Variants in NEO1 observed in about 807,000 individuals in gnomAD.
NEO1 encodes neogenin 1.
NEO1 carries 63 observed loss-of-function variants against 159.7 expected under a neutral mutation model. That is an observed-to-expected ratio of 0.39 (90% CI 0.32 to 0.49). NEO1 has a LOEUF of 0.49. NEO1 is among the 20% of genes least tolerant of loss of function. The probability of loss-of-function intolerance (pLI) is 0.85; values close to 1 mark genes in which losing one functional copy is unlikely to be tolerated. For missense variants in NEO1, 1,615 were observed against 1,831.0 expected, an observed-to-expected ratio of 0.88 and a Z score of 2.15; for synonymous variants, 633 against 662.0, an observed-to-expected ratio of 0.96 and a Z score of 0.67.
rs143244602 is a variant in NEO1, at chr15:73,214,180, G to A, written c.1292-22167G>A. Among the ~76,000 whole-genome samples the A allele has an allele frequency of 3.6e-3, 554 of 152,198 alleles. 5 individuals carry two copies. Among genetic ancestry groups the A allele is most frequent in the African/African-American group, 0.013 (528 of 41,540 alleles). On this transcript the variant is annotated intron_variant, in intron 7 of 28. Transcript: ENST00000261908. The stretch of plus-strand genomic sequence containing the variant: ...ATGTTAGTCCTTTGTCAGCTTGTTA[G>A]TCCTTTGTCAGATTGTGAAGCTTTT...
rs1231181281 is a variant in NEO1, at chr15:73,083,347, G to A, written c.130+30542G>A. On this transcript the variant is annotated intron_variant, in intron 1 of 28. Coordinates refer to ENST00000261908, the MANE Select transcript of NEO1 (RefSeq NM_002499.4). ...ATAGACAAGACTTGGTGATTGAATGGGATGGAAGGGGGAGAGGTAGAGGGA... is the reference window on the plus strand; with the variant it reads ...ATAGACAAGACTTGGTGATTGAATGAGATGGAAGGGGGAGAGGTAGAGGGA... 2.6e-5 allele frequency among the ~76,000 whole-genome samples: 4 copies of A among 152,070 alleles called. No individual in the cohort carries two copies. The East Asian group carries it at 7.7e-4, about 29-fold the overall frequency.
rs1344739931 is a variant in NEO1 at position 73,305,051 on chromosome 15, G to A, written c.*2355G>A. On this transcript the variant is annotated 3_prime_UTR_variant, in exon 29 of 29. Transcript: ENST00000261908. ...ACCTGTGTCTGTCGCCGCACTGCCTGTGGGAGGGGCCCAGAGGGCTGCTGG... is the reference window on the plus strand; with the variant it reads ...ACCTGTGTCTGTCGCCGCACTGCCTATGGGAGGGGCCCAGAGGGCTGCTGG... 6.6e-6 allele frequency: 1 copy of A among 152,250 alleles called. No individual in the cohort carries two copies. The highest frequency in any genetic ancestry group is 2.4e-5 in the African/African-American group (1 of 41,422). 9.4% of individuals were successfully genotyped at this position (152,250 alleles called of 1,614,324 possible).
At chr15:73,149,319 A>G (rs1408930311) in intron 5 of NEO1, among the ~76,000 whole-genome samples, 2 of 152,098 alleles carry the variant, frequency 1.3e-5, no homozygotes, top group South Asian at 4.1e-4. Context: ...GTCTAAAAAA[A>G]AAAAAAACAG....
intron 1 of NEO1, among the ~76,000 whole-genome samples, chr15:73,060,725 G>A (rs978300454): frequency 6.6e-6 from 1 of 151,516 alleles, no homozygotes; most frequent in Non-Finnish European, 1.5e-5. Context: ...ACAGCTTACT[G>A]CAGCCTCAAC....
chr15:73,155,325 T>A (rs60414643), intron 5 of NEO1, among the ~76,000 whole-genome samples: 1,969 of 152,314 alleles, frequency 0.013, 34 homozygotes, highest in African/African-American at 0.045. Flanking sequence ...AGTCAACTGT[T>A]AGTCTGATGG....
chr15:73,295,125 A>T (rs867839254), intron 26 of NEO1, among the ~76,000 whole-genome samples: 2 of 100,202 alleles, frequency 2.0e-5, no homozygotes, highest in Admixed American at 9.7e-5. Context: ...CTAAATATTA[A>T]ATATATATAT....
At chr15:73,292,323 T>C (rs2042191674) in intron 25 of NEO1, among the ~76,000 whole-genome samples, 1 of 152,200 alleles carries the variant, frequency 6.6e-6, no homozygotes, top group Non-Finnish European at 1.5e-5. Flanking sequence ...CCACTAAGTG[T>C]TAATTAAGTA....
chr15:73,193,969 G>A (rs1357338027), intron 7 of NEO1, among the ~76,000 whole-genome samples: 1 of 152,002 alleles, frequency 6.6e-6, no homozygotes, highest in Non-Finnish European at 1.5e-5. Flanking sequence ...ATGCAAGAAG[G>A]CTCAAAGTGC....
At chr15:73,217,973 A>G (rs1383649106) in intron 7 of NEO1, among the ~76,000 whole-genome samples, 2 of 151,756 alleles carry the variant, frequency 1.3e-5, no homozygotes, top group East Asian at 3.9e-4. Context: ...GTTGAATAGG[A>G]GTGGTGAGAG....
intron 8 of NEO1, among the ~76,000 whole-genome samples, chr15:73,237,484 G>A (rs1357520195): frequency 6.6e-6 from 1 of 152,174 alleles, no homozygotes; most frequent in Admixed American, 6.6e-5. Flanking sequence ...GAATAAGAAA[G>A]CTAAGATACG....
intron 5 of NEO1, among the ~76,000 whole-genome samples, chr15:73,149,574 A>G (rs62016851): frequency 0.32 from 49,391 of 151,998 alleles, 9,611 homozygotes; most frequent in Admixed American, 0.45. Flanking sequence ...ATTCTTGTCC[A>G]GGTGATTTCA....
rs2039175799 is a variant in NEO1, at chr15:73,236,423, A to T, written c.1368A>T (p.Lys456Asn). The change falls in exon 8 of 29, where the codon AAA becomes AAT. Residue 456 changes from lysine (K) to asparagine (N), a missense_variant. Lys to Asn is a moderately conservative substitution (Grantham distance 94). Around this residue, in one of 3 missense-constraint regions of NEO1, gnomAD observed 1,018 missense variants for 1,115.4 expected, o/e 0.91. Transcript: ENST00000261908. The part of the protein sequence containing the change: ...VASLVSTRFI[K>N]LTWRTPASDP... ...CCCTGGTCTCTACCCGCTTCATCAA[A>T]TTGACGTGGCGGACACCTGCATCAG... The T allele has an allele frequency of 6.2e-7, 1 of 1,614,092 alleles. No homozygotes were observed. The highest frequency in any genetic ancestry group is 1.3e-5 in the African/African-American group (1 of 74,994).
chr15:73,269,159 C>T (rs977224449), intron 16 of NEO1, among the ~76,000 whole-genome samples: 1 of 152,098 alleles, frequency 6.6e-6, no homozygotes, highest in African/African-American at 2.4e-5. Context: ...TATCAGATAC[C>T]GTCAATACCC....
At position 73,208,594 on chromosome 15, in the gene NEO1, A is replaced by T. The variant is rs147596954; in HGVS notation, c.1292-27753A>T. Among the ~76,000 whole-genome samples, 1,425 of 152,184 alleles carry T rather than the reference A, an allele frequency of 9.4e-3. 24 individuals carry two copies. Among genetic ancestry groups the T allele is most frequent in the African/African-American group, 0.033 (1,351 of 41,528 alleles). The stretch of plus-strand genomic sequence containing the variant: ...ATCTTAAGATTGGCTAGGTGTGATG[A>T]CTCATGCCTGTAATCCCAGCACTTT... On this transcript the variant is annotated intron_variant, in intron 7 of 28. Transcript: ENST00000261908.
intron 21 of NEO1, among the ~76,000 whole-genome samples, chr15:73,276,348 A>G (rs888150229): frequency 6.6e-6 from 1 of 152,194 alleles, no homozygotes; most frequent in African/African-American, 2.4e-5. Context: ...AATGCTCTGG[A>G]TAGTTTGGCT....
At chr15:73,269,662 A>G (rs923486596) in intron 16 of NEO1, among the ~76,000 whole-genome samples, 1 of 152,214 alleles carries the variant, frequency 6.6e-6, no homozygotes, top group African/African-American at 2.4e-5. Context: ...ACCTGGCCTC[A>G]TGAGGCTTTT....
At chr15:73,294,980 C>A (rs1316335194) in intron 26 of NEO1, among the ~76,000 whole-genome samples, 4 of 151,612 alleles carry the variant, frequency 2.6e-5, no homozygotes, top group Non-Finnish European at 5.9e-5. Context: ...GAACTCACAT[C>A]TAAATTTGGC....
intron 16 of NEO1, 99 bp from the exon 17 acceptor site, chr15:73,269,911 C>T: frequency 1.1e-6 from 1 of 915,928 alleles, no homozygotes; most frequent in Admixed American, 2.2e-5. Context: ...TTCTCCATTT[C>T]TCACCTTTCA....
chr15:73,300,558 C>T (rs1278253417), intron 27 of NEO1, among the ~76,000 whole-genome samples: 3 of 152,286 alleles, frequency 2.0e-5, no homozygotes, highest in Non-Finnish European at 2.9e-5. Flanking sequence ...GGTGAAACCC[C>T]GCCTCTACTA....
Sources: allele counts gnomAD v4.1 joint callset (sites outside exome capture counted in the v4.1 genomes callset), GRCh38; gene constraint gnomAD v4.1.1; regional missense constraint gnomAD v4.1.1; transcripts MANE v1.5; gene names NCBI Gene and HGNC (gene_info 2026-07-23, HGNC 2026-07-21).